HTR2C: variants seen among roughly 807,000 people sequenced by gnomAD.
The protein encoded by HTR2C is 5-hydroxytryptamine receptor 2C, also known as 5-hydroxytryptamine (serotonin) receptor 2C, G protein-coupled.
In HTR2C, 5 loss-of-function variants were observed where a neutral mutation model predicts 21.0. The ratio of observed to expected loss-of-function variants is 0.24; its 90% CI spans 0.12 to 0.50. The LOEUF is 0.50. Among genes scored for constraint, HTR2C ranks in the 20% least tolerant of loss-of-function variants. The pLI, the probability that HTR2C is intolerant of heterozygous loss-of-function variation, is 0.98. For synonymous variants in HTR2C, 150 were observed against 145.3 expected (o/e 1.03, Z -0.23); for missense variants, 271 against 371.2 (o/e 0.73, Z 2.22).
intron 4 of HTR2C, among the ~76,000 whole-genome samples, chrX:114,841,121 C>T (rs2070829947): frequency 8.9e-6 from 1 of 111,820 alleles, no homozygotes; most frequent in Admixed American, 9.5e-5. Context: ...CCTTACTTTT[C>T]CTTACTTCCC....
At chrX:114,715,150 C>T (rs1932965639) in intron 2 of HTR2C, 1 of 255,280 alleles carries the variant, frequency 3.9e-6, no homozygotes. Flanking sequence ...GAAACTGACC[C>T]TTCAACTTTG....
intron 4 of HTR2C, among the ~76,000 whole-genome samples, chrX:114,750,295 C>T (rs920317917): frequency 1.8e-5 from 2 of 111,350 alleles, no homozygotes; most frequent in Non-Finnish European, 1.9e-5. Context: ...AATTTTTTTC[C>T]GGCTTTCTTT....
intron 2 of HTR2C, among the ~76,000 whole-genome samples, chrX:114,634,824 A>G (rs782708944): frequency 6.8e-4 from 76 of 111,371 alleles, no homozygotes; most frequent in Middle Eastern, 9.4e-3. Flanking sequence ...AAAAAAAATC[A>G]GTAACTAAAT....
At chrX:114,862,912 C>T (rs1310105925) in intron 5 of HTR2C, among the ~76,000 whole-genome samples, 1 of 111,055 alleles carries the variant, frequency 9.0e-6, no homozygotes, top group Non-Finnish European at 1.9e-5. Flanking sequence ...TCATCTCCCT[C>T]AACTCCCCTA....
At chrX:114,898,838 G>T (rs781794871) in intron 5 of HTR2C, among the ~76,000 whole-genome samples, 1 of 111,727 alleles carries the variant, frequency 9.0e-6, no homozygotes, top group African/African-American at 3.2e-5. Flanking sequence ...GATGCCTCCA[G>T]CTTTGTTCTT....
intron 2 of HTR2C, among the ~76,000 whole-genome samples, chrX:114,704,360 C>T (rs1206785657): frequency 9.0e-6 from 1 of 111,314 alleles, no homozygotes; most frequent in African/African-American, 3.3e-5. Flanking sequence ...GCTTATCCAC[C>T]ATGATCAAGT....
chrX:114,601,014 A>G (rs1556394186), intron 1 of HTR2C, among the ~76,000 whole-genome samples: 1 of 112,309 alleles, frequency 8.9e-6, no homozygotes, highest in Admixed American at 9.5e-5. Flanking sequence ...AATAAAGCAT[A>G]CCAAACACAT....
intron 4 of HTR2C, among the ~76,000 whole-genome samples, chrX:114,780,206 T>C (rs1450294166): frequency 9.0e-6 from 1 of 111,307 alleles, no homozygotes; most frequent in East Asian, 2.8e-4. Flanking sequence ...GATTTTGGTA[T>C]CTACGGGTGT....
At chrX:114,870,234 T>G (rs1371016470) in intron 5 of HTR2C, among the ~76,000 whole-genome samples, 1 of 110,258 alleles carries the variant, frequency 9.1e-6, no homozygotes, top group Non-Finnish European at 1.9e-5. Flanking sequence ...ACTACAGGCA[T>G]GCACCACCAC....
intron 1 of HTR2C, among the ~76,000 whole-genome samples, chrX:114,597,367 C>T (rs989634774): frequency 2.7e-5 from 3 of 111,518 alleles, no homozygotes; most frequent in East Asian, 2.8e-4. Context: ...TTTACGGTTC[C>T]TACCATTGAG....
intron 2 of HTR2C, among the ~76,000 whole-genome samples, chrX:114,622,248 T>G (rs1270180380): frequency 9.0e-6 from 1 of 111,621 alleles, no homozygotes; most frequent in African/African-American, 3.3e-5. Context: ...GATGCCTCAG[T>G]GTCTGACTGA....
chrX:114,826,715 T>C (rs1556458623), intron 4 of HTR2C, among the ~76,000 whole-genome samples: 1 of 111,497 alleles, frequency 9.0e-6, no homozygotes, highest in East Asian at 2.8e-4. Context: ...ATAGACAGCA[T>C]ATAATTGTGT....
chrX:114,814,242 C>T (rs782143395), intron 4 of HTR2C, among the ~76,000 whole-genome samples: 6 of 109,915 alleles, frequency 5.5e-5, no homozygotes, highest in African/African-American at 2.0e-4. Context: ...CCTAATTCTT[C>T]ATGATATAGT....
At chrX:114,822,932 C>T (rs2070647557) in intron 4 of HTR2C, among the ~76,000 whole-genome samples, 1 of 111,440 alleles carries the variant, frequency 9.0e-6, no homozygotes, top group African/African-American at 3.3e-5. Flanking sequence ...ATGTGGTGGT[C>T]ACATTGCAGA....
intron 2 of HTR2C, among the ~76,000 whole-genome samples, chrX:114,711,377 T>G (rs1005494602): frequency 2.7e-5 from 3 of 111,956 alleles, no homozygotes; most frequent in African/African-American, 9.7e-5. Flanking sequence ...GCAGCTCGCA[T>G]ATCTTTCATT....
At chrX:114,895,014 C>T (rs998856722) in intron 5 of HTR2C, among the ~76,000 whole-genome samples, 5 of 111,517 alleles carry the variant, frequency 4.5e-5, no homozygotes, top group African/African-American at 1.6e-4. Context: ...TCACTGTGCC[C>T]AGCCAGATTT....
intron 2 of HTR2C, among the ~76,000 whole-genome samples, chrX:114,712,876 A>AT (rs1197354247): frequency 2.7e-5 from 3 of 112,087 alleles, no homozygotes; most frequent in Non-Finnish European, 5.7e-5. Flanking sequence ...AGAAAGACTA[A>AT]TTTTTTGCTA....
At position 114,804,541 on chromosome X, in the gene HTR2C, G is replaced by T. The variant is rs782686698; in HGVS notation, c.350-43462G>T. ...CCTTCAGCTTTAGTATATGGATTCTGGAGTAAGATACTGTTATCTACTTTT... is the reference window on the plus strand; with the variant it reads ...CCTTCAGCTTTAGTATATGGATTCTTGAGTAAGATACTGTTATCTACTTTT... On this transcript the variant is annotated intron_variant, in intron 4 of 5. Transcript: ENST00000276198. Among the ~76,000 whole-genome samples, 22 of 111,611 alleles carry T rather than the reference G, an allele frequency of 2.0e-4. No individual in the cohort carries two copies. The South Asian group carries it at 7.8e-3, about 39-fold the overall frequency.
intron 5 of HTR2C, among the ~76,000 whole-genome samples, chrX:114,863,052 A>G (rs1181167457): frequency 3.6e-5 from 4 of 111,541 alleles, no homozygotes; most frequent in Non-Finnish European, 5.7e-5. Context: ...TAATATTCCA[A>G]TTGTTGTATA....
Sources: gnomAD v4.1 joint callset for allele counts (sites outside exome capture counted in the v4.1 genomes callset) on GRCh38, gnomAD v4.1.1 for gene constraint, MANE v1.5 for transcripts, NCBI Gene and HGNC (gene_info 2026-07-23, HGNC 2026-07-21) for gene names.